The following ZNF701 variants were observed in gnomAD, a reference collection of about 807,000 sequenced individuals.
The protein encoded by ZNF701 is zinc finger protein 701.
In ZNF701, 6 loss-of-function variants were observed where a neutral mutation model predicts 7.1. That is an observed-to-expected ratio of 0.84 (90% confidence interval 0.46 to 1.66). The LOEUF is 1.66. Among genes scored for constraint, ZNF701 ranks in the 40% most tolerant of loss-of-function variants. The pLI is 0.01. For missense variants in ZNF701, 541 were observed against 559.2 expected, an observed-to-expected ratio of 0.97 and a Z score of 0.33; for synonymous variants, 166 against 188.2, an observed-to-expected ratio of 0.88 and a Z score of 0.97.
At chr19:52,571,648 C>T (rs189767611) in intron 1 of ZNF701, among the ~76,000 whole-genome samples, 6 of 152,214 alleles carry the variant, frequency 3.9e-5, no homozygotes, top group East Asian at 1.9e-4. Flanking sequence ...GCGTGAGCCA[C>T]CGCACCTGGC....
rs1486574196 is a variant in ZNF701 at position 52,586,973 on chromosome 19, G to C, written c.*3516G>C. 1.3e-5 allele frequency: 2 copies of C among 152,150 alleles called. No homozygotes were observed. The highest frequency in any genetic ancestry group is 1.9e-4 in the East Asian group (1 of 5,188). The allele number at this position is 152,150 out of a possible 1,614,324, so 9.4% of individuals were successfully genotyped here. On this transcript the variant is annotated 3_prime_UTR_variant, in exon 4 of 4. Coordinates refer to ENST00000391785, the MANE Select transcript of ZNF701 (RefSeq NM_018260.3). ...GCCCCGGAGCTCTACAATCCTGTGT[G>C]CAGTTGTCTCCGCAGCTCTCTGCTG...
chr19:52,589,018 C>T (rs1417022381), downstream of ZNF701, among the ~76,000 whole-genome samples: 3 of 152,204 alleles, frequency 2.0e-5, no homozygotes, highest in Non-Finnish European at 2.9e-5. Flanking sequence ...CCAAGAATAA[C>T]ACACTGGCTG....
At chr19:52,575,327 CACATATATACATACACAT>C (rs2059926947) in intron 2 of ZNF701, among the ~76,000 whole-genome samples, 1 of 137,828 alleles carries the variant, frequency 7.3e-6, no homozygotes. Flanking sequence ...CATATACACA[CACATATATACATACACAT>C]ACATATATAC....
rs1002969935 is a variant in ZNF701, at chr19:52,587,076, C to G, written c.*3619C>G. The G allele has an allele frequency of 2.0e-5, 3 of 152,150 alleles. No individual in the cohort carries two copies. Among genetic ancestry groups the G allele is most frequent in the South Asian group, 2.1e-4 (1 of 4,820 alleles). The allele number at this position is 152,150 out of a possible 1,614,324, so 9.4% of individuals were successfully genotyped here. The stretch of plus-strand genomic sequence containing the variant: ...CCCCCAAACACATTCCCTTACAGTC[C>G]TACACATCTCAGATGAGGGTGACAG... On this transcript the variant is annotated 3_prime_UTR_variant, in exon 4 of 4. Coordinates refer to ENST00000391785, the MANE Select transcript of ZNF701 (RefSeq NM_018260.3).
the ZNF701 span, chr19:52,598,815 T>A: frequency 6.6e-6 from 1 of 151,966 alleles, no homozygotes; most frequent in Non-Finnish European, 1.5e-5. Context: ...GGTGCTGAGG[T>A]GGGAGGATCA....
rs1228250679 is a variant in ZNF701 at position 52,582,739 on chromosome 19, GCT to G, written c.682_683del (p.Ser228ThrfsTer16). The stretch of plus-strand genomic sequence containing the variant: ...GAGAGTGGCAAAGCCTTTAATGGTA[GCT>G]CACTCTTAAAAAAACATCAGATAAT... On this transcript the variant is annotated frameshift_variant, in exon 4 of 4. Coordinates refer to ENST00000391785, the MANE Select transcript of ZNF701 (RefSeq NM_018260.3). LOFTEE classifies it low-confidence loss of function (END_TRUNC). 1 of 1,614,156 alleles carries G rather than the reference GCT, an allele frequency of 6.2e-7. No individual in the cohort carries two copies. The highest frequency in any genetic ancestry group is 1.7e-5 in the Admixed American group (1 of 60,024).
At chr19:52,596,020 G>C in the ZNF701 span, 1 of 1,528,670 alleles carries the variant, frequency 6.5e-7, no homozygotes, top group South Asian at 1.1e-5. Context: ...TAATTTGTAG[G>C]CTCAAAACCC....
intron 3 of ZNF701, among the ~76,000 whole-genome samples, chr19:52,576,781 G>C (rs1261029806): frequency 6.6e-6 from 1 of 152,138 alleles, no homozygotes; most frequent in Non-Finnish European, 1.5e-5. Context: ...CTCTACAAAA[G>C]CTCCAGCACG....
At chr19:52,580,990 G>T (rs151108015) in intron 3 of ZNF701, among the ~76,000 whole-genome samples, 1,887 of 150,248 alleles carry the variant, frequency 0.013, 40 homozygotes, top group African/African-American at 0.043. Context: ...CGGGCATGAT[G>T]GTGCATGCCT....
the ZNF701 span, chr19:52,597,623 C>CCG: frequency 2.3e-4 from 80 of 354,964 alleles, no homozygotes; most frequent in East Asian, 5.9e-4. Context: ...TGATAGATCA[C>CCG]AGCCACACCT....
At chr19:52,595,275 T>C in the ZNF701 span, among the ~76,000 whole-genome samples, 1 of 121,884 alleles carries the variant, frequency 8.2e-6, no homozygotes, top group African/African-American at 3.2e-5. Flanking sequence ...TTACCATCTG[T>C]ACTTTTTTTT....
chr19:52,574,120 G>C lies in ZNF701; in HGVS notation c.-28G>C. The C allele has an allele frequency of 6.2e-7, 1 of 1,612,376 alleles. No homozygotes were observed. Among genetic ancestry groups the C allele is most frequent in the Non-Finnish European group, 8.5e-7 (1 of 1,179,294 alleles). ...TGGTACGTGAGGAAAAAACACGGAA[G>C]AGGAAGAGGAAAGCAAAGGAGTCAG... On this transcript the variant is annotated 5_prime_UTR_variant, in exon 2 of 4. Transcript: ENST00000391785.
In ZNF701 at chr19:52,585,276, C is replaced by CCG. The variant is rs2060002892; in HGVS notation, c.*1819_*1820insCG. 3 of 152,002 alleles carry CCG rather than the reference C, an allele frequency of 2.0e-5. No individual in the cohort carries two copies. The highest frequency in any genetic ancestry group is 4.4e-5 in the Non-Finnish European group (3 of 68,144). 9.4% of individuals were successfully genotyped at this position (152,002 alleles called of 1,614,324 possible). Reference sequence around the variant, plus strand: ...CGAGTTGGACTCTCGCCCTGGGCTCCTCATCGGCGCCTGGAGGGCAGCGCT... The same window carrying CCG: ...CGAGTTGGACTCTCGCCCTGGGCTCCCGTCATCGGCGCCTGGAGGGCAGCGCT... On this transcript the variant is annotated 3_prime_UTR_variant, in exon 4 of 4. Transcript: ENST00000391785.
rs1417691576 is a variant in ZNF701, at chr19:52,578,992, C to T, written c.142+2971C>T. On this transcript the variant is annotated intron_variant, in intron 3 of 3. Transcript: ENST00000391785. ...CAATCTCCTGACCTCGTGATCCACC[C>T]GCCTTAGCCTCCCAATGTGCTGGGA... 4.7e-5 allele frequency among the ~76,000 whole-genome samples: 7 copies of T among 148,238 alleles called. 1 individual carries two copies. Among genetic ancestry groups the T allele is most frequent in the South Asian group, 4.2e-4 (2 of 4,798 alleles).
At chr19:52,593,488 T>C in the ZNF701 span, among the ~76,000 whole-genome samples, 34 of 96,246 alleles carry the variant, frequency 3.5e-4, no homozygotes, top group African/African-American at 1.3e-3. Flanking sequence ...GGCGGCTGGG[T>C]AGAGGCGCCC....
the ZNF701 span, among the ~76,000 whole-genome samples, chr19:52,599,637 C>A: frequency 6.6e-6 from 1 of 152,224 alleles, no homozygotes; most frequent in African/African-American, 2.4e-5. Flanking sequence ...GCTTCTCTGT[C>A]TTTCCCTGTG....
intron 3 of ZNF701, among the ~76,000 whole-genome samples, chr19:52,576,365 A>C (rs959748292): frequency 6.6e-6 from 1 of 152,084 alleles, no homozygotes; most frequent in Non-Finnish European, 1.5e-5. Context: ...ACATGGAGAA[A>C]TCCCGTCTCT....
chr19:52,579,177 A>G (rs2031429085), intron 3 of ZNF701, among the ~76,000 whole-genome samples: 1 of 143,912 alleles, frequency 6.9e-6, no homozygotes, highest in African/African-American at 2.9e-5. Flanking sequence ...AAAAATAAAA[A>G]AAGTTCTAGA....
At chr19:52,578,838 A>G (rs2059955351) in intron 3 of ZNF701, among the ~76,000 whole-genome samples, 1 of 152,048 alleles carries the variant, frequency 6.6e-6, no homozygotes, top group Admixed American at 6.6e-5. Flanking sequence ...GCTCACTGCA[A>G]GCTCCACCTC....
Sources: allele counts gnomAD v4.1 joint callset (sites outside exome capture counted in the v4.1 genomes callset), GRCh38; gene constraint gnomAD v4.1.1; transcripts MANE v1.5; gene names NCBI Gene and HGNC (gene_info 2026-07-23, HGNC 2026-07-21).